The following ZNF521 variants were observed in gnomAD, a reference collection of about 807,000 sequenced individuals.
The protein encoded by ZNF521 is zinc finger protein 521.
Under a neutral mutation model 105.5 loss-of-function variants are expected in ZNF521, and 14 were observed. That is an observed-to-expected ratio of 0.13 (90% CI 0.09 to 0.21). The LOEUF (loss-of-function observed/expected upper bound fraction) is 0.21, where lower values mean the gene tolerates loss of function less well. Ranked by LOEUF, ZNF521 falls within the 10% of genes least tolerant of loss-of-function variation. The pLI is 1.00. For missense variants in ZNF521, 1,233 were observed against 1,629.7 expected (o/e 0.76, Z 4.19); for synonymous variants, 635 against 606.0 (o/e 1.05, Z -0.70).
At chr18:25,327,566 G>A (rs907251655) in intron 2 of ZNF521, 9 of 659,982 alleles carry the variant, frequency 1.4e-5, no homozygotes, top group African/African-American at 9.3e-5. Flanking sequence ...TAAGAACAGA[G>A]AAAAAGTTAC....
At chr18:25,069,936 T>C (rs2033175404) in intron 7 of ZNF521, among the ~76,000 whole-genome samples, 1 of 152,232 alleles carries the variant, frequency 6.6e-6, no homozygotes, top group Non-Finnish European at 1.5e-5. Flanking sequence ...ATTTCCCTTT[T>C]TATTTTTTCA....
chr18:25,122,446 A>G (rs1321798250), intron 5 of ZNF521, among the ~76,000 whole-genome samples: 1 of 152,204 alleles, frequency 6.6e-6, no homozygotes, highest in Non-Finnish European at 1.5e-5. Flanking sequence ...CATGGTTTTA[A>G]GTATATACTA....
At chr18:25,318,072 C>T (rs945066640) in intron 3 of ZNF521, among the ~76,000 whole-genome samples, 7 of 151,896 alleles carry the variant, frequency 4.6e-5, no homozygotes, top group Non-Finnish European at 5.9e-5. Flanking sequence ...ATAAAGTATC[C>T]ACTAACAAGA....
At chr18:25,342,634 T>G (rs1187006442) in intron 2 of ZNF521, among the ~76,000 whole-genome samples, 2 of 151,584 alleles carry the variant, frequency 1.3e-5, no homozygotes, top group South Asian at 2.1e-4. Flanking sequence ...TTCACCGTGT[T>G]AGCCAGGATG....
At chr18:25,193,288 T>A (rs73407173) in intron 5 of ZNF521, among the ~76,000 whole-genome samples, 1 of 152,088 alleles carries the variant, frequency 6.6e-6, no homozygotes, top group Admixed American at 6.6e-5. Context: ...GAACATTCAA[T>A]TGAAATTCTA....
rs1912958093 is a variant in ZNF521 at position 25,322,047 on chromosome 18, C to T, written c.181G>A (p.Asp61Asn). ...TGATTAATCTTGTGTTCTGTGATATCGCTCAGCGATTCAAACACCTGGAGG... is the reference window on the plus strand; with the variant it reads ...TGATTAATCTTGTGTTCTGTGATATTGCTCAGCGATTCAAACACCTGGAGG... ...SCLQVFESLS[D>N]ITEHKINQCQ... Residue 61 changes from aspartate (D) to asparagine (N), a missense_variant, in exon 3 of 8, where the codon GAT becomes AAT. Physicochemically the swap from Asp to Asn is conservative, Grantham distance 23. Transcript: ENST00000361524. 3 of 1,614,158 alleles carry T rather than the reference C, an allele frequency of 1.9e-6. No individual in the cohort carries two copies. Among genetic ancestry groups the T allele is most frequent in the Admixed American group, 1.7e-5 (1 of 60,030 alleles).
chr18:25,086,342 T>C (rs1474843598), intron 7 of ZNF521, among the ~76,000 whole-genome samples: 1 of 152,068 alleles, frequency 6.6e-6, no homozygotes, highest in Non-Finnish European at 1.5e-5. Context: ...ATTAATTCCA[T>C]CCTCTAAGCA....
intron 2 of ZNF521, among the ~76,000 whole-genome samples, chr18:25,323,431 T>C (rs1913041896): frequency 6.6e-6 from 1 of 152,076 alleles, no homozygotes; most frequent in African/African-American, 2.4e-5. Flanking sequence ...ATATTCAATG[T>C]TTTTAATTTT....
At chr18:25,302,735 C>T (rs1240326125) in intron 3 of ZNF521, 1 of 152,086 alleles carries the variant, frequency 6.6e-6, no homozygotes, top group Non-Finnish European at 1.5e-5. Flanking sequence ...CAGTTCTGCC[C>T]TGGATTCAAA....
intron 5 of ZNF521, among the ~76,000 whole-genome samples, chr18:25,189,337 G>C (rs1286285410): frequency 6.6e-6 from 1 of 152,138 alleles, no homozygotes; most frequent in Non-Finnish European, 1.5e-5. Flanking sequence ...GCTAAATTGT[G>C]GAGATAATTA....
rs138867237 is a variant in ZNF521 at position 25,281,144 on chromosome 18, T to C, written c.220+40864A>G. Among the ~76,000 whole-genome samples the C allele has an allele frequency of 6.7e-3, 1,027 of 152,332 alleles. 10 individuals are homozygous for C. The highest frequency in any genetic ancestry group is 0.024 in the African/African-American group (979 of 41,576). On this transcript the variant is annotated intron_variant, in intron 3 of 7. Coordinates refer to ENST00000361524, the MANE Select transcript of ZNF521 (RefSeq NM_015461.3). ...TGTTCCACAACCATTTAATTTCCTA[T>C]GCACCTACAGCTTTATCCGTCTTGC...
At chr18:25,113,675 C>T (rs972687241) in intron 5 of ZNF521, among the ~76,000 whole-genome samples, 2 of 150,812 alleles carry the variant, frequency 1.3e-5, no homozygotes, top group South Asian at 2.1e-4. Context: ...AATGAGATAG[C>T]GTGGAGAGAA....
chr18:25,081,424 T>C (rs2033493417), intron 7 of ZNF521, among the ~76,000 whole-genome samples: 1 of 152,198 alleles, frequency 6.6e-6, no homozygotes, highest in African/African-American at 2.4e-5. Context: ...TGGGGTGCTG[T>C]AGAAACAATT....
At chr18:25,347,955 A>G (rs1223117905) in intron 2 of ZNF521, among the ~76,000 whole-genome samples, 1 of 152,230 alleles carries the variant, frequency 6.6e-6, no homozygotes, top group Non-Finnish European at 1.5e-5. Context: ...TTCATGTTTT[A>G]TTTAGAAGGG....
chr18:25,215,182 A>G (rs1316017568), intron 4 of ZNF521, among the ~76,000 whole-genome samples: 1 of 152,166 alleles, frequency 6.6e-6, no homozygotes. Context: ...AGAATAGAAA[A>G]GTAGGTTAAG....
At chr18:25,303,601 C>G (rs901935905) in intron 3 of ZNF521, among the ~76,000 whole-genome samples, 45 of 152,070 alleles carry the variant, frequency 3.0e-4, no homozygotes, top group African/African-American at 9.9e-4. Context: ...TGGCCTGAAA[C>G]AAACTTCTTT....
chr18:25,087,073 C>A (rs564972587), intron 7 of ZNF521, among the ~76,000 whole-genome samples: 1 of 152,132 alleles, frequency 6.6e-6, no homozygotes, highest in African/African-American at 2.4e-5. Flanking sequence ...TCTCTGACAG[C>A]TAATAGAATA....
intron 5 of ZNF521, among the ~76,000 whole-genome samples, chr18:25,098,171 G>A (rs2033891600): frequency 6.6e-6 from 1 of 152,198 alleles, no homozygotes. Flanking sequence ...ACATTGGAAT[G>A]TTGTTCAAAC....
chr18:25,308,866 G>A (rs2145099335), intron 3 of ZNF521, among the ~76,000 whole-genome samples: 1 of 152,164 alleles, frequency 6.6e-6, no homozygotes, highest in South Asian at 2.1e-4. Flanking sequence ...AGTGTAGCAA[G>A]AAATGGTGCC....
Sources: gnomAD v4.1 joint callset for allele counts (sites outside exome capture counted in the v4.1 genomes callset) on GRCh38, gnomAD v4.1.1 for gene constraint, MANE v1.5 for transcripts, NCBI Gene and HGNC (gene_info 2026-07-23, HGNC 2026-07-21) for gene names.